The following SNTG2 variants were observed in gnomAD, a reference collection of about 807,000 sequenced individuals.
The protein encoded by SNTG2 is syntrophin gamma 2.
SNTG2 carries 74 observed loss-of-function variants against 70.9 expected under a neutral mutation model. That is an observed-to-expected ratio of 1.04 (90% CI 0.86 to 1.27). The LOEUF is 1.27. Among genes scored for constraint, SNTG2 ranks in the 50% most tolerant of loss-of-function variants. The pLI is 0.00. For synonymous variants in SNTG2, 278 were observed against 273.8 expected (o/e 1.02, Z -0.15); for missense variants, 717 against 690.7 (o/e 1.04, Z -0.43).
At chr2:993,070 C>CTTTTT (rs59134628) in intron 1 of SNTG2, among the ~76,000 whole-genome samples, 1 of 140,494 alleles carries the variant, frequency 7.1e-6, no homozygotes, top group Non-Finnish European at 1.5e-5. Flanking sequence ...TTTGTGGGTT[C>CTTTTT]TTTTTTTTTT....
intron 8 of SNTG2, among the ~76,000 whole-genome samples, chr2:1,201,311 CAT>C (rs1175174519): frequency 1.3e-5 from 2 of 151,964 alleles, no homozygotes; most frequent in South Asian, 2.1e-4. Flanking sequence ...ACAAATATCA[CAT>C]GTTATCACTC....
intron 8 of SNTG2, among the ~76,000 whole-genome samples, chr2:1,176,569 G>A (rs750755095): frequency 1.3e-5 from 2 of 151,958 alleles, no homozygotes; most frequent in South Asian, 2.1e-4. Context: ...AAGTTACAAA[G>A]TGGGAGACAA....
intron 1 of SNTG2, among the ~76,000 whole-genome samples, chr2:1,053,881 C>T (rs934103814): frequency 6.6e-6 from 1 of 152,028 alleles, no homozygotes; most frequent in Non-Finnish European, 1.5e-5. Flanking sequence ...TTCTCACCTC[C>T]TCTTCTCCCT....
chr2:982,447 A>C (rs936578885), intron 1 of SNTG2, among the ~76,000 whole-genome samples: 5 of 152,036 alleles, frequency 3.3e-5, no homozygotes, highest in African/African-American at 4.8e-5. Flanking sequence ...CTCTATCCCT[A>C]CTGCAGGGGT....
chr2:1,008,324 T>G (rs1659631334), intron 1 of SNTG2, among the ~76,000 whole-genome samples: 1 of 152,238 alleles, frequency 6.6e-6, no homozygotes. Flanking sequence ...ACATCTATTT[T>G]ATTTCACATG....
At chr2:1,116,713 GGTGCCCTGGTGTGTGC>G (rs1173796049) in intron 4 of SNTG2, among the ~76,000 whole-genome samples, 1 of 148,466 alleles carries the variant, frequency 6.7e-6, no homozygotes, top group African/African-American at 2.5e-5. Flanking sequence ...CTGGTGTATG[GGTGCCCTGGTGTGTGC>G]GTGCCCTGGT....
chr2:1,265,504 C>G (rs1485447706), intron 13 of SNTG2, among the ~76,000 whole-genome samples: 1 of 152,194 alleles, frequency 6.6e-6, no homozygotes, highest in South Asian at 2.1e-4. Context: ...GTGCAATGCT[C>G]TCCATGATCA....
intron 1 of SNTG2, among the ~76,000 whole-genome samples, chr2:961,897 G>A (rs560126695): frequency 1.3e-5 from 2 of 152,336 alleles, no homozygotes; most frequent in Admixed American, 6.5e-5. Flanking sequence ...AAACACACTG[G>A]TGTGCACACT....
At chr2:1,225,465 G>A (rs1003024106) in intron 9 of SNTG2, among the ~76,000 whole-genome samples, 8 of 152,150 alleles carry the variant, frequency 5.3e-5, no homozygotes, top group East Asian at 1.9e-4. Context: ...TTGACCGGTC[G>A]TAAAGTAAGC....
chr2:1,048,861 A>T (rs1248755812), intron 1 of SNTG2, among the ~76,000 whole-genome samples: 1 of 152,082 alleles, frequency 6.6e-6, no homozygotes, highest in African/African-American at 2.4e-5. Flanking sequence ...GATTTTGTTC[A>T]TTCTTTTGTG....
chr2:1,234,125 C>CCACGGAGGAAA (rs1676451154), intron 9 of SNTG2, among the ~76,000 whole-genome samples: 1 of 152,140 alleles, frequency 6.6e-6, no homozygotes, highest in African/African-American at 2.4e-5. Flanking sequence ...CAACTGTGAG[C>CCACGGAGGAAA]CACGGAGGAA....
intron 1 of SNTG2, among the ~76,000 whole-genome samples, chr2:1,009,695 C>T (rs7608436): frequency 9.4e-6 from 1 of 106,896 alleles, no homozygotes; most frequent in African/African-American, 3.7e-5. Context: ...TGGTGTGGGT[C>T]GTGTGTATGG....
chr2:1,306,301 G>A (rs1012892814), intron 14 of SNTG2, among the ~76,000 whole-genome samples: 2 of 152,138 alleles, frequency 1.3e-5, no homozygotes, highest in Non-Finnish European at 2.9e-5. Context: ...CAGGAGCTGT[G>A]TGAAGCCCAA....
Position 1,297,102 on chromosome 2 carries a change from C to T in SNTG2, c.1285-11392C>T, listed in dbSNP as rs187645961. 4.5e-3 allele frequency among the ~76,000 whole-genome samples: 682 copies of T among 152,210 alleles called. 6 individuals are homozygous for T. The highest frequency in any genetic ancestry group is 0.015 in the African/African-American group (639 of 41,520). ...TCCCTGAAGGAAGTAGCAGAAGTTT[C>T]GAATTGCCCCGTTCTACTGGAAACC... On this transcript the variant is annotated intron_variant, in intron 14 of 16. Coordinates refer to ENST00000308624, the MANE Select transcript of SNTG2 (RefSeq NM_018968.4).
At position 1,311,744 on chromosome 2, in the gene SNTG2, A is replaced by C. The variant is rs1681002458; in HGVS notation, c.1377+3158A>C. 2.0e-5 allele frequency among the ~76,000 whole-genome samples: 3 copies of C among 152,228 alleles called. No individual in the cohort carries two copies. In the South Asian group the frequency reaches 6.2e-4, roughly 31 times the overall value. On this transcript the variant is annotated intron_variant, in intron 15 of 16. Transcript: ENST00000308624. ...ACATGCCCTCTTATTAGTCATTATA[A>C]AAAAATCAAATAGATTCTGTGCCTA...
chr2:1,141,269 G>A (rs1477820873), intron 6 of SNTG2, among the ~76,000 whole-genome samples: 2 of 152,176 alleles, frequency 1.3e-5, no homozygotes, highest in Non-Finnish European at 2.9e-5. Flanking sequence ...GAAACAGGAC[G>A]TTACATCCTG....
intron 1 of SNTG2, among the ~76,000 whole-genome samples, chr2:1,009,508 C>T (rs1219268429): frequency 2.4e-5 from 3 of 123,912 alleles, no homozygotes; most frequent in Admixed American, 1.7e-4. Context: ...ACTGGTGGGT[C>T]GTGTGTATGG....
At chr2:1,203,693 T>C (rs1203197459) in intron 8 of SNTG2, among the ~76,000 whole-genome samples, 1 of 148,010 alleles carries the variant, frequency 6.8e-6, no homozygotes, top group African/African-American at 2.5e-5. Context: ...TATATATATG[T>C]GTGTGTGTGT....
chr2:1,032,388 C>T (rs774751902), intron 1 of SNTG2, among the ~76,000 whole-genome samples: 2 of 152,138 alleles, frequency 1.3e-5, no homozygotes, highest in African/African-American at 2.4e-5. Flanking sequence ...CACGCACGCA[C>T]ATATATCAGG....
Sources: allele counts gnomAD v4.1 joint callset (sites outside exome capture counted in the v4.1 genomes callset), GRCh38; gene constraint gnomAD v4.1.1; transcripts MANE v1.5; gene names NCBI Gene and HGNC (gene_info 2026-07-23, HGNC 2026-07-21).